The following BMAL1 variants were observed in gnomAD, a reference collection of about 807,000 sequenced individuals.
BMAL1 encodes the protein basic helix-loop-helix ARNT-like protein 1.
the BMAL1 span, chr11:13,355,019 A>AT: frequency 2.4e-6 from 1 of 409,996 alleles, no homozygotes; most frequent in African/African-American, 2.0e-5. Context: ...GAGTAAGTAA[A>AT]TTTTCACACT....
At chr11:13,310,313 G>T in the BMAL1 span, among the ~76,000 whole-genome samples, 1 of 152,142 alleles carries the variant, frequency 6.6e-6, no homozygotes, top group Non-Finnish European at 1.5e-5. Flanking sequence ...GGGCCTTATG[G>T]AGAGGTGGAG....
chr11:13,294,002 A>G, the BMAL1 span, among the ~76,000 whole-genome samples: 2 of 152,256 alleles, frequency 1.3e-5, no homozygotes, highest in African/African-American at 4.8e-5. Flanking sequence ...AAAATGTAAC[A>G]TAAATAAGAG....
chr11:13,377,059 C>G, the BMAL1 span, among the ~76,000 whole-genome samples: 1 of 152,202 alleles, frequency 6.6e-6, no homozygotes, highest in Admixed American at 6.5e-5. Flanking sequence ...GTGACTGTCA[C>G]TAACTCCTGT....
At chr11:13,315,172 G>C in the BMAL1 span, among the ~76,000 whole-genome samples, 1 of 152,216 alleles carries the variant, frequency 6.6e-6, no homozygotes, top group Non-Finnish European at 1.5e-5. Context: ...TCTTGGAACT[G>C]CTTTCCTGGG....
At chr11:13,335,540 C>T in the BMAL1 span, among the ~76,000 whole-genome samples, 1 of 152,154 alleles carries the variant, frequency 6.6e-6, no homozygotes, top group East Asian at 1.9e-4. Flanking sequence ...AGATATAATG[C>T]TTGGGGAACA....
the BMAL1 span, chr11:13,366,520 C>T: frequency 1.4e-6 from 1 of 713,826 alleles, no homozygotes; most frequent in East Asian, 2.7e-5. Context: ...AGTGGTTGGA[C>T]ATATGTACAG....
the BMAL1 span, among the ~76,000 whole-genome samples, chr11:13,371,618 T>C: frequency 1.3e-5 from 2 of 152,252 alleles, no homozygotes; most frequent in Non-Finnish European, 1.5e-5. Context: ...TAAATACCTG[T>C]AGATGCTCTC....
chr11:13,311,840 A>G, the BMAL1 span, among the ~76,000 whole-genome samples: 1 of 152,180 alleles, frequency 6.6e-6, no homozygotes, highest in Non-Finnish European at 1.5e-5. Context: ...TTGCCATGAG[A>G]CAAGATGTGA....
chr11:13,332,432 T>C, the BMAL1 span, among the ~76,000 whole-genome samples: 1 of 152,194 alleles, frequency 6.6e-6, no homozygotes, highest in African/African-American at 2.4e-5. Flanking sequence ...AACATATAAA[T>C]TTGCAGTAAC....
the BMAL1 span, chr11:13,378,388 G>T: frequency 2.5e-6 from 4 of 1,613,284 alleles, no homozygotes; most frequent in Non-Finnish European, 3.4e-6. Context: ...GGGGGAACCC[G>T]GGCTGGGGCA....
chr11:13,303,082 C>A, the BMAL1 span, among the ~76,000 whole-genome samples: 63 of 152,286 alleles, frequency 4.1e-4, 1 homozygote, highest in East Asian at 9.5e-3. Flanking sequence ...TTCCCAATTT[C>A]TTTGAGGTAG....
At chr11:13,334,831 G>A in the BMAL1 span, among the ~76,000 whole-genome samples, 3 of 152,216 alleles carry the variant, frequency 2.0e-5, no homozygotes, top group Non-Finnish European at 2.9e-5. Context: ...GAGAAAGATG[G>A]CCCATGACTT....
chr11:13,299,382 C>G, the BMAL1 span, among the ~76,000 whole-genome samples: 264 of 152,104 alleles, frequency 1.7e-3, 1 homozygote, highest in African/African-American at 5.7e-3. Flanking sequence ...CTTGAGCTGG[C>G]CTGTAAGGGA....
At chr11:13,351,281 A>G in the BMAL1 span, among the ~76,000 whole-genome samples, 3 of 152,130 alleles carry the variant, frequency 2.0e-5, no homozygotes, top group Admixed American at 6.5e-5. Context: ...TTGCTGATGG[A>G]TTGAATGCGG....
chr11:13,386,381 G>A, the BMAL1 span, among the ~76,000 whole-genome samples: 8 of 151,824 alleles, frequency 5.3e-5, no homozygotes, highest in Non-Finnish European at 1.0e-4. Context: ...TCTTCACAAC[G>A]TAACCCCACT....
chr11:13,345,189 G>A, the BMAL1 span, among the ~76,000 whole-genome samples: 2 of 151,320 alleles, frequency 1.3e-5, no homozygotes, highest in Non-Finnish European at 2.9e-5. Context: ...GGGTAACACA[G>A]TGGGCCAGAA....
chr11:13,307,617 T>C, the BMAL1 span, among the ~76,000 whole-genome samples: 3 of 152,252 alleles, frequency 2.0e-5, no homozygotes, highest in South Asian at 2.1e-4. Context: ...TATTAAGTGT[T>C]GGCAGACTCG....
At chr11:13,299,582 G>C in the BMAL1 span, among the ~76,000 whole-genome samples, 1 of 152,158 alleles carries the variant, frequency 6.6e-6, no homozygotes, top group African/African-American at 2.4e-5. Flanking sequence ...TGGCAGGAGG[G>C]GTCCACACTG....
chr11:13,348,341 T>C, the BMAL1 span, among the ~76,000 whole-genome samples: 2 of 152,118 alleles, frequency 1.3e-5, no homozygotes, highest in Admixed American at 1.3e-4. Context: ...GTTTGAACTT[T>C]GTTTGGAAGA....
Sources: gnomAD v4.1 joint callset for allele counts (sites outside exome capture counted in the v4.1 genomes callset) on GRCh38, gnomAD v4.1.1 for gene constraint, MANE v1.5 for transcripts, NCBI Gene and HGNC (gene_info 2026-07-23, HGNC 2026-07-21) for gene names.